Variants in ITGA9 observed in about 807,000 individuals in gnomAD.
The protein encoded by ITGA9 is integrin subunit alpha 9.
Under a neutral mutation model 127.8 loss-of-function variants are expected in ITGA9, and 56 were observed. That is an observed-to-expected ratio of 0.44 (90% CI 0.35 to 0.55). The LOEUF (loss-of-function observed/expected upper bound fraction) is 0.55, where lower values mean the gene tolerates loss of function less well. ITGA9 is among the 20% of genes least tolerant of loss of function. ITGA9 has a pLI of 0.00. For synonymous variants in ITGA9, 508 were observed against 514.5 expected (o/e 0.99, Z 0.17); for missense variants, 1,196 against 1,347.1 (o/e 0.89, Z 1.76).
In ITGA9 at chr3:37,742,871, T is replaced by G. The variant is rs148744394; in HGVS notation, c.2324+1052T>G. Among the ~76,000 whole-genome samples the G allele has an allele frequency of 2.5e-3, 384 of 152,296 alleles. 3 individuals carry two copies. The highest frequency in any genetic ancestry group is 9.0e-3 in the African/African-American group (373 of 41,560). ...GTACTGATGGAATATATTTGCAAAT[T>G]AGCATATTTTTGCCTCTGTTCACAG... On this transcript the variant is annotated intron_variant, in intron 21 of 27. Coordinates refer to ENST00000264741, the MANE Select transcript of ITGA9 (RefSeq NM_002207.3).
intron 4 of ITGA9, among the ~76,000 whole-genome samples, chr3:37,486,428 TGG>T (rs1350992287): frequency 6.6e-6 from 1 of 152,242 alleles, no homozygotes; most frequent in Non-Finnish European, 1.5e-5. Context: ...ATCTATAAAA[TGG>T]GGAGATTAAG....
rs191499516 is a variant in ITGA9 at position 37,505,548 on chromosome 3, C to T, written c.743-452C>T. Reference sequence around the variant, plus strand: ...TGATAGAAATCAGAATAGTGGCTACCTGTGTGGGGCATATTGACTGGGAAA... The same window carrying T: ...TGATAGAAATCAGAATAGTGGCTACTTGTGTGGGGCATATTGACTGGGAAA... On this transcript the variant is annotated intron_variant, in intron 6 of 27. Transcript: ENST00000264741. 7.5e-3 allele frequency among the ~76,000 whole-genome samples: 1,142 copies of T among 152,190 alleles called. 46 individuals are homozygous for T. Among genetic ancestry groups the T allele is most frequent in the Admixed American group, 0.067 (1,026 of 15,282 alleles).
chr3:37,650,297 A>G lies in ITGA9; in HGVS notation c.1840-3417A>G, dbSNP rs115954814. ...GCATTAGACCCCACCTCTCTATGGGAGTAGTTTCAAAGTCACATTGTAAGG... is the reference window on the plus strand; with the variant it reads ...GCATTAGACCCCACCTCTCTATGGGGGTAGTTTCAAAGTCACATTGTAAGG... On this transcript the variant is annotated intron_variant, in intron 16 of 27. Coordinates refer to ENST00000264741, the MANE Select transcript of ITGA9 (RefSeq NM_002207.3). 5.8e-3 allele frequency among the ~76,000 whole-genome samples: 889 copies of G among 152,262 alleles called. 11 individuals carry two copies. Among genetic ancestry groups the G allele is most frequent in the African/African-American group, 0.02 (833 of 41,538 alleles).
intron 6 of ITGA9, among the ~76,000 whole-genome samples, chr3:37,504,374 G>C (rs1191238439): frequency 1.3e-5 from 2 of 152,176 alleles, no homozygotes; most frequent in African/African-American, 4.8e-5. Flanking sequence ...AGGTCACATG[G>C]CTCCTAAGTA....
At chr3:37,712,603 T>C (rs906054660) in intron 18 of ITGA9, among the ~76,000 whole-genome samples, 3 of 152,194 alleles carry the variant, frequency 2.0e-5, no homozygotes, top group African/African-American at 7.2e-5. Context: ...CTCTGGAAGT[T>C]GTCATAGTGT....
intron 1 of ITGA9, among the ~76,000 whole-genome samples, chr3:37,456,612 C>T (rs1698261274): frequency 6.6e-6 from 1 of 152,168 alleles, no homozygotes; most frequent in Non-Finnish European, 1.5e-5. Context: ...AGACGTGCTT[C>T]CTGCTCCCTC....
chr3:37,470,939 T>C, intron 1 of ITGA9, 68 bp from the exon 2 acceptor site: 1 of 1,565,218 alleles, frequency 6.4e-7, no homozygotes, highest in African/African-American at 1.4e-5. Context: ...GTTGGGTGAA[T>C]ACTTAGCCAT....
chr3:37,646,539 G>A (rs557576802), intron 16 of ITGA9, among the ~76,000 whole-genome samples: 3 of 152,370 alleles, frequency 2.0e-5, no homozygotes, highest in South Asian at 2.1e-4. Context: ...GGAAACAGTT[G>A]TCTCCCGAGA....
Position 37,452,823 on chromosome 3 carries a change from G to A in ITGA9, c.185+264G>A, listed in dbSNP as rs545267686. On this transcript the variant is annotated intron_variant, in intron 1 of 27. Transcript: ENST00000264741. This position sits in a 1 kb window ranked among gnomAD's most constrained non-coding sequence, Gnocchi z 7.3. Reference sequence around the variant, plus strand: ...CCTGGGGTCCCAGCCCAGAGCGTGGGGGGAGAGCCGCTAGAGTTGTCTCCT... The same window carrying A: ...CCTGGGGTCCCAGCCCAGAGCGTGGAGGGAGAGCCGCTAGAGTTGTCTCCT... Among the ~76,000 whole-genome samples, 2 of 152,178 alleles carry A rather than the reference G, an allele frequency of 1.3e-5. No homozygotes were observed. The highest frequency in any genetic ancestry group is 3.9e-4 in the East Asian group (2 of 5,174).
At chr3:37,547,858 A>G (rs1459061037) in intron 15 of ITGA9, among the ~76,000 whole-genome samples, 1 of 152,234 alleles carries the variant, frequency 6.6e-6, no homozygotes, top group Admixed American at 6.5e-5. Context: ...AAGTTGTCAA[A>G]GAAAGGATGT....
chr3:37,551,832 C>T (rs185059931), intron 15 of ITGA9, among the ~76,000 whole-genome samples: 1 of 152,370 alleles, frequency 6.6e-6, no homozygotes, highest in Non-Finnish European at 1.5e-5. Flanking sequence ...TCCTCCAACA[C>T]AGAGCTTTGG....
At chr3:37,458,345 G>T (rs962564069) in intron 1 of ITGA9, among the ~76,000 whole-genome samples, 2 of 152,202 alleles carry the variant, frequency 1.3e-5, no homozygotes, top group African/African-American at 4.8e-5. Context: ...GAGTGTGAGA[G>T]AATTGTTGGG....
At chr3:37,525,880 C>T in intron 12 of ITGA9, 146 bp from the exon 13 acceptor site, 1 of 726,718 alleles carries the variant, frequency 1.4e-6, no homozygotes, top group African/African-American at 1.7e-5. Flanking sequence ...TCCATTCTTA[C>T]AAGATCATTG....
chr3:37,643,857 A>AT (rs1308119792), intron 16 of ITGA9, among the ~76,000 whole-genome samples: 3 of 151,846 alleles, frequency 2.0e-5, no homozygotes, highest in Non-Finnish European at 2.9e-5. Context: ...GTTTTAAGGC[A>AT]TTTTTTTTCT....
intron 17 of ITGA9, among the ~76,000 whole-genome samples, chr3:37,674,115 G>GT (rs1304833600): frequency 6.6e-6 from 1 of 152,166 alleles, no homozygotes; most frequent in Non-Finnish European, 1.5e-5. Context: ...AAATGTTGTG[G>GT]TTTTGAGAAT....
intron 14 of ITGA9, 52 bp downstream of exon 14, chr3:37,533,520 T>C (rs1289560499): frequency 6.3e-7 from 1 of 1,580,924 alleles, no homozygotes; most frequent in East Asian, 2.3e-5. Flanking sequence ...TGGAGTGGGC[T>C]AGTGGGATAT....
At chr3:37,753,463 A>C (rs1348388127) in intron 23 of ITGA9, among the ~76,000 whole-genome samples, 1 of 152,214 alleles carries the variant, frequency 6.6e-6, no homozygotes. Context: ...CTAGTTCACC[A>C]AGAGAACAGG....
chr3:37,543,862 C>T (rs904587685), intron 15 of ITGA9, among the ~76,000 whole-genome samples: 3 of 152,240 alleles, frequency 2.0e-5, no homozygotes, highest in African/African-American at 7.2e-5. Context: ...CTGCAGGGGC[C>T]TGCCCAGACC....
chr3:37,544,824 T>C (rs1699309694), intron 15 of ITGA9, among the ~76,000 whole-genome samples: 1 of 152,224 alleles, frequency 6.6e-6, no homozygotes, highest in Admixed American at 6.5e-5. Context: ...GAGACCTTTA[T>C]GGTTCAAGAG....
Sources: allele counts gnomAD v4.1 joint callset (sites outside exome capture counted in the v4.1 genomes callset), GRCh38; gene constraint gnomAD v4.1.1; non-coding constraint Gnocchi (gnomAD v3.1); transcripts MANE v1.5; gene names NCBI Gene and HGNC (gene_info 2026-07-23, HGNC 2026-07-21).